Variants in IMMP2L observed in about 807,000 individuals in gnomAD.
The protein encoded by IMMP2L is inner mitochondrial membrane peptidase subunit 2.
A neutral mutation model predicts 19.3 loss-of-function variants in IMMP2L; 18 were observed. The ratio of observed to expected loss-of-function variants is 0.93; its 90% CI spans 0.64 to 1.38. The LOEUF is 1.38. IMMP2L is among the 40% of genes most tolerant of loss of function. IMMP2L has a pLI of 0.00. For synonymous variants in IMMP2L, 76 were observed against 73.0 expected (o/e 1.04, Z -0.21); for missense variants, 233 against 218.2 (o/e 1.07, Z -0.43).
At chr7:110,890,060 G>A (rs1039521389) in intron 4 of IMMP2L, among the ~76,000 whole-genome samples, 12 of 152,146 alleles carry the variant, frequency 7.9e-5, no homozygotes, top group African/African-American at 2.9e-4. Flanking sequence ...TTCAGCCTCT[G>A]CTATCTATTA....
chr7:111,161,097 C>T (rs1805211666), intron 3 of IMMP2L, among the ~76,000 whole-genome samples: 1 of 151,646 alleles, frequency 6.6e-6, no homozygotes, highest in Non-Finnish European at 1.5e-5. Context: ...TCCTTAAAAT[C>T]TTTCCATAAA....
chr7:111,027,966 G>A (rs1404379322), intron 3 of IMMP2L, among the ~76,000 whole-genome samples: 1 of 151,808 alleles, frequency 6.6e-6, no homozygotes, highest in Non-Finnish European at 1.5e-5. Flanking sequence ...AAAAGCAAAT[G>A]AAACATTTAA....
chr7:111,399,538 A>G (rs1336384882), intron 3 of IMMP2L, among the ~76,000 whole-genome samples: 1 of 151,956 alleles, frequency 6.6e-6, no homozygotes, highest in Non-Finnish European at 1.5e-5. Flanking sequence ...TATTTTTATT[A>G]GAGACAGGGT....
Position 111,296,839 on chromosome 7 carries a change from A to C in IMMP2L, c.239+190399T>G, listed in dbSNP as rs377406740. Among the ~76,000 whole-genome samples the C allele has an allele frequency of 7.9e-5, 12 of 152,176 alleles. No homozygotes were observed. The East Asian group carries it at 2.3e-3, about 29-fold the overall frequency. ...AAACTGTGTTATAGCCATACTACTC[A>C]GCAATGAAATGCAAAAAACTAGAAC... On this transcript the variant is annotated intron_variant, in intron 3 of 5. Coordinates refer to ENST00000405709, the MANE Select transcript of IMMP2L (RefSeq NM_032549.4).
intron 3 of IMMP2L, among the ~76,000 whole-genome samples, chr7:111,339,429 T>C (rs1826791052): frequency 6.6e-6 from 1 of 151,968 alleles, no homozygotes; most frequent in African/African-American, 2.4e-5. Context: ...TTGTTCTTTA[T>C]TAATATACAC....
chr7:110,740,329 A>C (rs1483699031), intron 5 of IMMP2L, among the ~76,000 whole-genome samples: 5 of 152,236 alleles, frequency 3.3e-5, no homozygotes, highest in African/African-American at 1.2e-4. Context: ...ACCATTAGCG[A>C]GATTAACCAA....
chr7:111,513,130 T>C (rs1235810531), intron 2 of IMMP2L, among the ~76,000 whole-genome samples: 1 of 152,024 alleles, frequency 6.6e-6, no homozygotes, highest in Non-Finnish European at 1.5e-5. Flanking sequence ...CCTATCAAAC[T>C]GAAAAGTTTC....
chr7:110,937,283 G>A (rs1816227086), intron 4 of IMMP2L, among the ~76,000 whole-genome samples: 1 of 152,162 alleles, frequency 6.6e-6, no homozygotes, highest in Non-Finnish European at 1.5e-5. Flanking sequence ...TAGAGATAAA[G>A]GTAGGGTGGT....
chr7:111,316,450 G>A (rs1042348020), intron 3 of IMMP2L, among the ~76,000 whole-genome samples: 3 of 152,102 alleles, frequency 2.0e-5, no homozygotes, highest in Non-Finnish European at 4.4e-5. Flanking sequence ...GTATGATTTA[G>A]GGATGAATAC....
rs573407557 is a variant in IMMP2L, at chr7:110,948,548, A to T, written c.305+14952T>A. ...ATAACATGGAATAGTATTCTGATAC[A>T]GAATTTTCTCAACTGCAGCTATTCC... On this transcript the variant is annotated intron_variant, in intron 4 of 5. Coordinates refer to ENST00000405709, the MANE Select transcript of IMMP2L (RefSeq NM_032549.4). 2.0e-5 allele frequency among the ~76,000 whole-genome samples: 3 copies of T among 152,340 alleles called. No individual in the cohort carries two copies. The South Asian group carries it at 6.2e-4, about 32-fold the overall frequency.
At chr7:111,374,772 A>C (rs1047473240) in intron 3 of IMMP2L, among the ~76,000 whole-genome samples, 1 of 152,142 alleles carries the variant, frequency 6.6e-6, no homozygotes. Context: ...CAAGTGAGAA[A>C]ACAAAGTGTT....
chr7:110,838,386 T>C (rs181493631), intron 5 of IMMP2L, among the ~76,000 whole-genome samples: 22 of 152,272 alleles, frequency 1.4e-4, no homozygotes, highest in African/African-American at 5.3e-4. Flanking sequence ...GTCTACAGTT[T>C]TATAGGTTGC....
intron 4 of IMMP2L, among the ~76,000 whole-genome samples, chr7:110,915,737 G>T (rs1563078003): frequency 6.6e-6 from 1 of 152,178 alleles, no homozygotes; most frequent in Non-Finnish European, 1.5e-5. Flanking sequence ...TGTACACTTT[G>T]AATGTACATA....
intron 3 of IMMP2L, among the ~76,000 whole-genome samples, chr7:111,211,711 T>A (rs993569821): frequency 2.6e-5 from 4 of 152,150 alleles, no homozygotes; most frequent in African/African-American, 9.7e-5. Flanking sequence ...AACTTCAGAT[T>A]AGAAGACGGA....
chr7:111,364,783 C>T (rs933387956), intron 3 of IMMP2L, among the ~76,000 whole-genome samples: 8 of 151,790 alleles, frequency 5.3e-5, no homozygotes, highest in Non-Finnish European at 1.2e-4. Context: ...ACAGCCTGGG[C>T]AACATGGTGA....
At chr7:111,466,940 G>T (rs1209388177) in intron 3 of IMMP2L, among the ~76,000 whole-genome samples, 1 of 152,082 alleles carries the variant, frequency 6.6e-6, no homozygotes, top group East Asian at 1.9e-4. Context: ...TTCACATCAG[G>T]GACTTGAGCA....
chr7:110,780,806 C>CCCT (rs1799686492), intron 5 of IMMP2L, among the ~76,000 whole-genome samples: 1 of 52 alleles, frequency 0.019, no homozygotes, highest in African/African-American at 0.05. Context: ...GCCTTTGCTA[C>CCCT]TCTACTTCCC....
chr7:110,941,854 T>C (rs2129553078), intron 4 of IMMP2L, among the ~76,000 whole-genome samples: 1 of 150,824 alleles, frequency 6.6e-6, no homozygotes, highest in Admixed American at 7.1e-5. Context: ...TAACAAATTC[T>C]AATTCATTGG....
intron 3 of IMMP2L, among the ~76,000 whole-genome samples, chr7:111,156,910 T>C (rs1411429176): frequency 6.6e-6 from 1 of 152,018 alleles, no homozygotes; most frequent in East Asian, 1.9e-4. Flanking sequence ...AATTTTCTAC[T>C]ACTCCATGTG....
Sources: allele counts gnomAD v4.1 joint callset (sites outside exome capture counted in the v4.1 genomes callset), GRCh38; gene constraint gnomAD v4.1.1; transcripts MANE v1.5; gene names NCBI Gene and HGNC (gene_info 2026-07-23, HGNC 2026-07-21).